The following LAMA3 variants were observed in gnomAD, a reference collection of about 807,000 sequenced individuals.
LAMA3 encodes the protein laminin subunit alpha 3.
Under a neutral mutation model 402.0 loss-of-function variants are expected in LAMA3, and 281 were observed. That is an observed-to-expected ratio of 0.70 (90% confidence interval 0.63 to 0.77). LAMA3 has a LOEUF of 0.77. Ranked by LOEUF, LAMA3 falls within the 30% of genes least tolerant of loss-of-function variation. The pLI, the probability that LAMA3 is intolerant of heterozygous loss-of-function variation, is 0.00. For synonymous variants in LAMA3, 1,431 were observed against 1,558.4 expected (o/e 0.92, Z 1.93); for missense variants, 3,840 against 4,215.5 (o/e 0.91, Z 2.47).
At chr18:23,928,487 G>C (rs1316900057) in intron 63 of LAMA3, 138 bp from the exon 64 acceptor site, 1 of 954,184 alleles carries the variant, frequency 1.0e-6, no homozygotes, top group Non-Finnish European at 1.7e-6. Flanking sequence ...TTATTATGCA[G>C]AAAAGTAAGC....
At position 23,846,474 on chromosome 18, in the gene LAMA3, T is replaced by C; in HGVS notation, c.3897T>C (p.Cys1299=). The stretch of plus-strand genomic sequence containing the variant: ...TCATCGGGCGGCAGTGCACCCGCTG[T>C]GCAACAGGCCACTACGGATTCCCAC... ...PNVIGRQCTR[C]ATGHYGFPRC... The change falls in exon 31 of 75, where the codon TGT becomes TGC. Residue 1299 remains cysteine (C), a synonymous_variant. Coordinates refer to ENST00000313654, the MANE Select transcript of LAMA3 (RefSeq NM_198129.4). 1 of 1,612,444 alleles carries C rather than the reference T, an allele frequency of 6.2e-7. No individual in the cohort carries two copies. The highest frequency in any genetic ancestry group is 1.3e-5 in the African/African-American group (1 of 75,076).
chr18:23,888,127 A>G (rs1358287148), intron 41 of LAMA3, among the ~76,000 whole-genome samples: 2 of 152,200 alleles, frequency 1.3e-5, no homozygotes, highest in Non-Finnish European at 2.9e-5. Context: ...GCATAACATG[A>G]TCTGTTAGGT....
At chr18:23,909,090 C>T in intron 54 of LAMA3, 63 bp from the exon 55 acceptor site, 2 of 1,478,838 alleles carry the variant, frequency 1.4e-6, no homozygotes, top group Non-Finnish European at 1.9e-6. Context: ...TCAGTAAGAA[C>T]ATTTGTAGTT....
rs183137711 is a variant in LAMA3, at chr18:23,933,090, C to G, written c.8709-692C>G. 6.6e-5 allele frequency among the ~76,000 whole-genome samples: 10 copies of G among 152,336 alleles called. No homozygotes were observed. In the East Asian group the frequency reaches 1.7e-3, roughly 26 times the overall value. On this transcript the variant is annotated intron_variant, in intron 66 of 74. Transcript: ENST00000313654. ...TGAGATAAAGCAAATTTGTCCAAGA[C>G]TTTCCTCCTCATAGTCAGATAAATC...
chr18:23,755,318 G>A (rs924148859), intron 6 of LAMA3, among the ~76,000 whole-genome samples: 3 of 152,200 alleles, frequency 2.0e-5, no homozygotes, highest in Non-Finnish European at 4.4e-5. Flanking sequence ...TCTACACTGG[G>A]TGGTTAATTC....
At chr18:23,889,473 G>T (rs976450161) in intron 41 of LAMA3, among the ~76,000 whole-genome samples, 2 of 151,892 alleles carry the variant, frequency 1.3e-5, no homozygotes, top group Non-Finnish European at 1.5e-5. Flanking sequence ...GAGACAGAAG[G>T]ATTGCTTGAG....
intron 14 of LAMA3, among the ~76,000 whole-genome samples, chr18:23,813,510 ATGGTATTC>A (rs2063114521): frequency 6.7e-6 from 1 of 148,590 alleles, no homozygotes; most frequent in Non-Finnish European, 1.5e-5. Context: ...GCACAATACC[ATGGTATTC>A]TGAACATTTT....
At chr18:23,711,338 C>T (rs1369359871) in intron 1 of LAMA3, among the ~76,000 whole-genome samples, 1 of 152,056 alleles carries the variant, frequency 6.6e-6, no homozygotes, top group African/African-American at 2.4e-5. Context: ...TTTTTAGTGC[C>T]TACTAATTGT....
At chr18:23,702,716 C>T (rs2060813189) in intron 1 of LAMA3, among the ~76,000 whole-genome samples, 1 of 94,674 alleles carries the variant, frequency 1.1e-5, no homozygotes, top group Non-Finnish European at 2.5e-5. Flanking sequence ...AAGCCCAAAT[C>T]TCTGGTGCCC....
At chr18:23,875,705 T>C (rs1458273763) in intron 38 of LAMA3, among the ~76,000 whole-genome samples, 1 of 152,156 alleles carries the variant, frequency 6.6e-6, no homozygotes, top group Non-Finnish European at 1.5e-5. Context: ...AAACCCACAC[T>C]TGGAGAGAAA....
intron 14 of LAMA3, among the ~76,000 whole-genome samples, chr18:23,814,090 T>C (rs1466508352): frequency 6.6e-6 from 1 of 152,230 alleles, no homozygotes; most frequent in African/African-American, 2.4e-5. Flanking sequence ...AAATTGGTAG[T>C]CTATGCTGTA....
At chr18:23,710,337 C>A in intron 1 of LAMA3, 1 of 433,532 alleles carries the variant, frequency 2.3e-6, no homozygotes, top group South Asian at 2.4e-5. Context: ...TCAGGTATTG[C>A]CCTTTTAAAA....
chr18:23,750,499 A>G (rs2061730588), intron 4 of LAMA3, among the ~76,000 whole-genome samples: 1 of 74,286 alleles, frequency 1.3e-5, no homozygotes, highest in Non-Finnish European at 2.6e-5. Context: ...ATATCTAGAG[A>G]TTTCCTTTTT....
chr18:23,848,101 G>A (rs1256920830), intron 32 of LAMA3, among the ~76,000 whole-genome samples: 1 of 152,240 alleles, frequency 6.6e-6, no homozygotes, highest in East Asian at 1.9e-4. Flanking sequence ...TGGCAGTGTG[G>A]TTAAGGTCAA....
chr18:23,849,906 C>G (rs922715062), intron 32 of LAMA3, among the ~76,000 whole-genome samples: 1 of 152,114 alleles, frequency 6.6e-6, no homozygotes, highest in Non-Finnish European at 1.5e-5. Flanking sequence ...ATAAAAGGGC[C>G]TTGTCAGAAA....
intron 8 of LAMA3, among the ~76,000 whole-genome samples, chr18:23,768,860 C>G (rs1294615817): frequency 6.6e-6 from 1 of 152,150 alleles, no homozygotes; most frequent in Non-Finnish European, 1.5e-5. Flanking sequence ...AGCTGGAGGT[C>G]ATTATCCTAA....
rs1168757778 is a variant in LAMA3, at chr18:23,847,344, G to A, written c.3932-120G>A. On this transcript the variant is annotated intron_variant, in intron 31 of 74. Transcript: ENST00000313654. ...TTGACTCCAAGAAATGGGCCTTTCA[G>A]ATCCAAATATTTCTCTCTGACCCTT... 60 of 1,070,144 alleles carry A rather than the reference G, an allele frequency of 5.6e-5. No homozygotes were observed. The Admixed American group carries it at 1.1e-3, about 19-fold the overall frequency. 66.3% of individuals were successfully genotyped at this position (1,070,144 alleles called of 1,614,324 possible). A position where few individuals can be genotyped will look rare whatever the true frequency, so the allele number is the denominator to read the frequency against.
At chr18:23,818,017 T>A (rs2144362025) in intron 18 of LAMA3, among the ~76,000 whole-genome samples, 1 of 152,070 alleles carries the variant, frequency 6.6e-6, no homozygotes, top group South Asian at 2.1e-4. Context: ...TAGCCAGGCA[T>A]GGTGGCGCAC....
chr18:23,913,292 G>A (rs962223478), intron 56 of LAMA3, among the ~76,000 whole-genome samples: 1 of 152,144 alleles, frequency 6.6e-6, no homozygotes, highest in Non-Finnish European at 1.5e-5. Context: ...TCCTCAGACT[G>A]CCCAGCCTCA....
Sources: allele counts gnomAD v4.1 joint callset (sites outside exome capture counted in the v4.1 genomes callset), GRCh38; gene constraint gnomAD v4.1.1; transcripts MANE v1.5; gene names NCBI Gene and HGNC (gene_info 2026-07-23, HGNC 2026-07-21).